The following ADCYAP1R1 variants were observed in gnomAD, a reference collection of about 807,000 sequenced individuals.
ADCYAP1R1 encodes the protein pituitary adenylate cyclase-activating polypeptide type I receptor.
A neutral mutation model predicts 67.6 loss-of-function variants in ADCYAP1R1; 44 were observed. The ratio of observed to expected loss-of-function variants is 0.65; its 90% CI spans 0.51 to 0.84. The LOEUF (loss-of-function observed/expected upper bound fraction) is 0.84, where lower values mean the gene tolerates loss of function less well. Ranked by LOEUF, ADCYAP1R1 falls within the 40% of genes least tolerant of loss-of-function variation. The pLI is 0.00. For missense variants in ADCYAP1R1, 477 were observed against 587.9 expected (o/e 0.81, Z 1.95); for synonymous variants, 222 against 219.6 (o/e 1.01, Z -0.10).
intron 3 of ADCYAP1R1, among the ~76,000 whole-genome samples, chr7:31,074,424 T>G (rs1183535172): frequency 1.3e-5 from 2 of 152,190 alleles, no homozygotes; most frequent in African/African-American, 4.8e-5. Context: ...TCCCCTGTCC[T>G]GCTGCCAACA....
chr7:31,093,251 G>A (rs561784023), intron 13 of ADCYAP1R1, among the ~76,000 whole-genome samples: 2 of 152,288 alleles, frequency 1.3e-5, no homozygotes, highest in South Asian at 4.1e-4. Flanking sequence ...GGCCCTCGGG[G>A]CAGCTCTACC....
At chr7:31,066,701 A>C (rs552509060) in intron 3 of ADCYAP1R1, among the ~76,000 whole-genome samples, 2 of 152,360 alleles carry the variant, frequency 1.3e-5, no homozygotes, top group South Asian at 4.1e-4. Flanking sequence ...TGGGTCTGTC[A>C]TAGTCACCAT....
At position 31,085,347 on chromosome 7, in the gene ADCYAP1R1, C is replaced by T. The variant is rs773915693; in HGVS notation, c.574C>T (p.Leu192=). The change falls in exon 9 of 16, where the codon CTG becomes TTG. Residue 192 remains leucine, a synonymous_variant. Coordinates refer to ENST00000304166, the MANE Select transcript of ADCYAP1R1 (RefSeq NM_001118.5). ...CACACGCAACTTCATCCACATGAAC[C>T]TGTTTGTGTCGTTCATGCTGAGGGC... ...HCTRNFIHMN[L]FVSFMLRAIS... is the part of the protein sequence containing the mutation. The T allele has an allele frequency of 1.2e-6, 2 of 1,614,110 alleles. No individual in the cohort carries two copies. The highest frequency in any genetic ancestry group is 2.2e-5 in the South Asian group (2 of 91,090).
At chr7:31,074,828 T>G (rs1795139195) in intron 3 of ADCYAP1R1, among the ~76,000 whole-genome samples, 2 of 152,262 alleles carry the variant, frequency 1.3e-5, no homozygotes, top group Admixed American at 1.3e-4. Context: ...CATCTGGCCT[T>G]TAATGTCTTT....
intron 13 of ADCYAP1R1, among the ~76,000 whole-genome samples, chr7:31,094,487 C>T (rs1471580088): frequency 6.6e-6 from 1 of 152,102 alleles, no homozygotes; most frequent in Non-Finnish European, 1.5e-5. Flanking sequence ...CTAAGTCAAC[C>T]TCATCTCTCG....
intron 5 of ADCYAP1R1, 138 bp from the exon 6 acceptor site, chr7:31,081,575 T>C: frequency 1.6e-6 from 1 of 607,692 alleles, no homozygotes; most frequent in Non-Finnish European, 2.9e-6. Flanking sequence ...CTGCTATGTG[T>C]GATATTGCCT....
chr7:31,110,088 A>G lies in ADCYAP1R1; in HGVS notation c.*3404A>G, dbSNP rs1475740224. On this transcript the variant is annotated 3_prime_UTR_variant, in exon 16 of 16. Coordinates refer to ENST00000304166, the MANE Select transcript of ADCYAP1R1 (RefSeq NM_001118.5). ...GATGCCCACTCACCTCTCTCATCTGATCCTCACTCTTTGTGGAAGGGAAAG... is the reference window on the plus strand; with the variant it reads ...GATGCCCACTCACCTCTCTCATCTGGTCCTCACTCTTTGTGGAAGGGAAAG... 6.7e-6 allele frequency: 1 copy of G among 148,430 alleles called. No homozygotes were observed. Among genetic ancestry groups the G allele is most frequent in the Non-Finnish European group, 1.5e-5 (1 of 67,624 alleles). 9.2% of individuals were successfully genotyped at this position (148,430 alleles called of 1,614,324 possible).
chr7:31,086,498 G>T lies in ADCYAP1R1; in HGVS notation c.784G>T (p.Glu262Ter). Residue 262 changes from glutamate (E) to a stop codon, truncating the protein, a stop_gained, in exon 10 of 16, where the codon GAA (glutamate) becomes TAA (stop). Transcript: ENST00000304166. LOFTEE classifies it high-confidence loss of function. The surrounding 1 kb of genome is among the most constrained non-coding windows in gnomAD (Gnocchi z 5.0). Reference protein sequence around the residue: ...FTLLVETFFPERRYFYWYTII... With the variant: ...FTLLVETFFP The stretch of plus-strand genomic sequence containing the variant: ...TCTGCTGGTGGAGACCTTCTTCCCT[G>T]AAAGGAGATACTTCTACTGGTACAC... The T allele has an allele frequency of 6.2e-7, 1 of 1,614,222 alleles. No homozygotes were observed. The highest frequency in any genetic ancestry group is 8.5e-7 in the Non-Finnish European group (1 of 1,180,042).
intron 3 of ADCYAP1R1, among the ~76,000 whole-genome samples, chr7:31,071,864 A>G (rs2128621440): frequency 6.6e-6 from 1 of 152,040 alleles, no homozygotes; most frequent in Non-Finnish European, 1.5e-5. Flanking sequence ...ACCATCTCAA[A>G]CTGAACATAC....
intron 13 of ADCYAP1R1, among the ~76,000 whole-genome samples, chr7:31,098,376 A>C (rs1796293020): frequency 6.6e-6 from 1 of 152,240 alleles, no homozygotes; most frequent in African/African-American, 2.4e-5. Flanking sequence ...AATCATGAAG[A>C]AACTTCTCAG....
chr7:31,064,996 C>T, intron 3 of ADCYAP1R1, 60 bp downstream of exon 3: 1 of 1,362,432 alleles, frequency 7.3e-7, no homozygotes, highest in East Asian at 2.5e-5. Flanking sequence ...AACTGTTTTC[C>T]TGTGCTCAGG....
chr7:31,085,585 G>C lies in ADCYAP1R1; in HGVS notation c.669+143G>C, dbSNP rs956527272. 4 of 966,780 alleles carry C rather than the reference G, an allele frequency of 4.1e-6. No homozygotes were observed. In the African/African-American group the frequency reaches 6.7e-5, roughly 16 times the overall value. The allele number at this position is 966,780 out of a possible 1,614,324, so 59.9% of individuals were successfully genotyped here. ...GGTGAAGGCATTGCCCCACCCCCCC[G>C]GTTTATGTGAAAACTCACGAATTAA... On this transcript the variant is annotated intron_variant, in intron 9 of 15. Transcript: ENST00000304166.
chr7:31,098,601 GA>G (rs1444955888), intron 13 of ADCYAP1R1, among the ~76,000 whole-genome samples: 1 of 151,334 alleles, frequency 6.6e-6, no homozygotes, highest in African/African-American at 2.4e-5. Flanking sequence ...TCCTCTTCTG[GA>G]AAAGGGGATC....
At chr7:31,087,584 C>G in intron 11 of ADCYAP1R1, 43 bp from the exon 12 acceptor site, 1 of 1,588,416 alleles carries the variant, frequency 6.3e-7, no homozygotes, top group South Asian at 1.1e-5. Context: ...TCTATGCTGC[C>G]GACTCACAGA....
intron 1 of ADCYAP1R1, among the ~76,000 whole-genome samples, chr7:31,055,602 C>T (rs1484051702): frequency 6.6e-6 from 1 of 152,132 alleles, no homozygotes; most frequent in Non-Finnish European, 1.5e-5. Context: ...TCTTTTAATT[C>T]TTTCCAACCA....
Position 31,078,099 on chromosome 7 carries a change from G to T in ADCYAP1R1, c.265+1G>T, listed in dbSNP as rs760771425. 1 of 1,608,190 alleles carries T rather than the reference G, an allele frequency of 6.2e-7. No homozygotes were observed. The highest frequency in any genetic ancestry group is 1.3e-5 in the African/African-American group (1 of 74,896). On this transcript the variant is annotated splice_donor_variant, in intron 4 of 15. Transcript: ENST00000304166. LOFTEE classifies it high-confidence loss of function. ...TTCCGAATCTTCAACCCAGACCAAG[G>T]TGGGTTTAGCCCAGTCTCTTTAGGC...
At chr7:31,103,127 C>A (rs1281188074) in intron 13 of ADCYAP1R1, 110 bp from the exon 14 acceptor site, 2 of 1,462,176 alleles carry the variant, frequency 1.4e-6, no homozygotes, top group Admixed American at 4.2e-5. Flanking sequence ...TGGACACGGG[C>A]CCCAGCTTGG....
At chr7:31,054,007 G>T (rs1164074607) in intron 1 of ADCYAP1R1, among the ~76,000 whole-genome samples, 1 of 152,186 alleles carries the variant, frequency 6.6e-6, no homozygotes, top group Non-Finnish European at 1.5e-5. Flanking sequence ...AATGAGTTTG[G>T]TGCTGGGTAC....
At chr7:31,096,548 C>T (rs1260465887) in intron 13 of ADCYAP1R1, among the ~76,000 whole-genome samples, 1 of 152,162 alleles carries the variant, frequency 6.6e-6, no homozygotes, top group Non-Finnish European at 1.5e-5. Context: ...AAAATGGCAC[C>T]ACCTAAGATG....
Sources: allele counts gnomAD v4.1 joint callset (sites outside exome capture counted in the v4.1 genomes callset), GRCh38; gene constraint gnomAD v4.1.1; non-coding constraint Gnocchi (gnomAD v3.1); transcripts MANE v1.5; gene names NCBI Gene and HGNC (gene_info 2026-07-23, HGNC 2026-07-21).